Variants in AKAP13 observed in about 807,000 individuals in gnomAD.
AKAP13 encodes A-kinase anchoring protein 13.
In AKAP13, 80 loss-of-function variants were observed where a neutral mutation model predicts 264.5. That is an observed-to-expected ratio of 0.30 (90% CI 0.25 to 0.36). The LOEUF is 0.36. AKAP13 is among the 10% of genes least tolerant of loss of function. AKAP13 has a pLI of 1.00. For missense variants in AKAP13, 3,712 were observed against 3,435.2 expected (o/e 1.08, Z -2.01); for synonymous variants, 1,380 against 1,250.2 (o/e 1.10, Z -2.19).
At chr15:85,578,447 A>G (rs11631714) in intron 6 of AKAP13, among the ~76,000 whole-genome samples, 93,153 of 151,660 alleles carry the variant, frequency 0.61, 28,762 homozygotes, top group Middle Eastern at 0.72. Context: ...TCCCGGGTAC[A>G]AGCAATTCTC....
At chr15:85,740,576 T>C in intron 34 of AKAP13, 1 of 396,366 alleles carries the variant, frequency 2.5e-6, no homozygotes, top group Non-Finnish European at 4.6e-6. Flanking sequence ...GATTATAAGT[T>C]TCTATATTCC....
At chr15:85,721,195 C>A (rs180717675) in intron 23 of AKAP13, among the ~76,000 whole-genome samples, 2 of 152,158 alleles carry the variant, frequency 1.3e-5, no homozygotes, top group South Asian at 4.1e-4. Flanking sequence ...TCATAGTATC[C>A]GTTTGCTCGT....
At position 85,548,656 on chromosome 15, in the gene AKAP13, A is replaced by G. The variant is rs377661284; in HGVS notation, c.662+4701A>G. Among the ~76,000 whole-genome samples the G allele has an allele frequency of 2.3e-4, 35 of 152,332 alleles. No individual in the cohort carries two copies. The East Asian group carries it at 5.4e-3, about 23-fold the overall frequency. ...AAGATACTCTATTTGAACATTTCTT[A>G]TATATTAATAATAATAATGACATCA... On this transcript the variant is annotated intron_variant, in intron 5 of 36. Coordinates refer to ENST00000394518, the MANE Select transcript of AKAP13 (RefSeq NM_007200.5).
chr15:85,543,540 G>C (rs529672635), intron 4 of AKAP13, among the ~76,000 whole-genome samples: 1 of 152,236 alleles, frequency 6.6e-6, no homozygotes, highest in African/African-American at 2.4e-5. Context: ...GACTGTGTTC[G>C]ATTGAAGATT....
chr15:85,656,853 A>C (rs1013213040), intron 11 of AKAP13, among the ~76,000 whole-genome samples: 1 of 152,236 alleles, frequency 6.6e-6, no homozygotes, highest in Non-Finnish European at 1.5e-5. Flanking sequence ...GAGTGTGCTT[A>C]TTCCAAAGCT....
chr15:85,399,502 C>CAAAAAAAAAAAAAA (rs71138392), intron 1 of AKAP13, among the ~76,000 whole-genome samples: 5 of 77,070 alleles, frequency 6.5e-5, no homozygotes, highest in African/African-American at 1.2e-4. Context: ...GACTCCGTCT[C>CAAAAAAAAAAAAAA]AAAAAAAAAA....
At chr15:85,453,572 T>C (rs1287558411) in intron 1 of AKAP13, among the ~76,000 whole-genome samples, 1 of 152,174 alleles carries the variant, frequency 6.6e-6, no homozygotes, top group African/African-American at 2.4e-5. Flanking sequence ...GAGACTCCAG[T>C]TGGGAGGTCC....
At chr15:85,606,891 T>C (rs770616751) in intron 8 of AKAP13, among the ~76,000 whole-genome samples, 2 of 152,160 alleles carry the variant, frequency 1.3e-5, no homozygotes, top group Non-Finnish European at 2.9e-5. Flanking sequence ...CAGAGCTAGA[T>C]GCTCTTTACC....
chr15:85,688,217 T>C (rs1361992980), intron 16 of AKAP13, among the ~76,000 whole-genome samples: 1 of 152,200 alleles, frequency 6.6e-6, no homozygotes, highest in Admixed American at 6.5e-5. Context: ...ATAGTGATGC[T>C]AACTCTAATC....
At chr15:85,628,490 C>T (rs796655823) in intron 8 of AKAP13, among the ~76,000 whole-genome samples, 13 of 152,274 alleles carry the variant, frequency 8.5e-5, no homozygotes, top group African/African-American at 3.1e-4. Context: ...TAAATGTTTA[C>T]GAATGAAGCC....
chr15:85,461,420 A>G (rs2074508646), intron 1 of AKAP13, among the ~76,000 whole-genome samples: 1 of 152,064 alleles, frequency 6.6e-6, no homozygotes, highest in Admixed American at 6.6e-5. Flanking sequence ...CCGGCCCGTT[A>G]TAATTTCATC....
intron 1 of AKAP13, among the ~76,000 whole-genome samples, chr15:85,466,447 G>T (rs1222630150): frequency 6.6e-6 from 1 of 152,110 alleles, no homozygotes; most frequent in Non-Finnish European, 1.5e-5. Context: ...GTCCTGAATG[G>T]TAATGCCTAG....
intron 12 of AKAP13, among the ~76,000 whole-genome samples, chr15:85,663,053 T>C (rs2083432215): frequency 1.3e-5 from 2 of 152,232 alleles, no homozygotes; most frequent in South Asian, 4.1e-4. Context: ...CTCACACCTG[T>C]AATCCCAGTA....
At chr15:85,713,028 A>T (rs74422709) in intron 19 of AKAP13, among the ~76,000 whole-genome samples, 4 of 152,242 alleles carry the variant, frequency 2.6e-5, no homozygotes, top group Non-Finnish European at 5.9e-5. Context: ...CGATAATAGT[A>T]TCATAGGGTG....
intron 17 of AKAP13, chr15:85,702,372 G>A (rs2151670486): frequency 6.6e-6 from 1 of 152,308 alleles, no homozygotes; most frequent in East Asian, 1.9e-4. Context: ...TGAAGAAGCT[G>A]AATGTTTGTA....
At chr15:85,464,038 A>G (rs1339248548) in intron 1 of AKAP13, among the ~76,000 whole-genome samples, 2 of 152,058 alleles carry the variant, frequency 1.3e-5, no homozygotes, top group African/African-American at 2.4e-5. Flanking sequence ...CCCTGTTCCT[A>G]CTTCTTTTTG....
chr15:85,740,096 T>C (rs2088844317), intron 33 of AKAP13, 126 bp from the exon 34 acceptor site: 5 of 992,582 alleles, frequency 5.0e-6, no homozygotes, highest in South Asian at 5.0e-5. Context: ...TTTGAAAATA[T>C]TTCATAAAGA....
At chr15:85,495,438 A>G (rs950041714) in intron 2 of AKAP13, among the ~76,000 whole-genome samples, 1 of 152,200 alleles carries the variant, frequency 6.6e-6, no homozygotes, top group African/African-American at 2.4e-5. Context: ...ACACATTTCA[A>G]GAGGAGAAAT....
At chr15:85,503,769 C>T (rs966119485) in intron 2 of AKAP13, among the ~76,000 whole-genome samples, 5 of 152,210 alleles carry the variant, frequency 3.3e-5, no homozygotes, top group South Asian at 2.1e-4. Context: ...TTTACTCTCT[C>T]GCTCTAATCA....
Sources: gnomAD v4.1 joint callset for allele counts (sites outside exome capture counted in the v4.1 genomes callset) on GRCh38, gnomAD v4.1.1 for gene constraint, MANE v1.5 for transcripts, NCBI Gene and HGNC (gene_info 2026-07-23, HGNC 2026-07-21) for gene names.